The following FBXL17 variants were observed in gnomAD, a reference collection of about 807,000 sequenced individuals.
The protein encoded by FBXL17 is F-box/LRR-repeat protein 17.
A neutral mutation model predicts 66.2 loss-of-function variants in FBXL17; 22 were observed. That is an observed-to-expected ratio of 0.33 (90% CI 0.24 to 0.47). FBXL17 has a LOEUF of 0.47. FBXL17 is among the 20% of genes least tolerant of loss of function. The pLI, the probability that FBXL17 is intolerant of heterozygous loss-of-function variation, is 1.00. For missense variants in FBXL17, 878 were observed against 948.2 expected, an observed-to-expected ratio of 0.93 and a Z score of 0.97; for synonymous variants, 474 against 400.5, an observed-to-expected ratio of 1.18 and a Z score of -2.19.
chr5:108,095,508 G>C (rs1324568145), intron 6 of FBXL17, among the ~76,000 whole-genome samples: 1 of 152,020 alleles, frequency 6.6e-6, no homozygotes, highest in Admixed American at 6.6e-5. Context: ...ATACTGTATA[G>C]GGTAGATCAG....
At chr5:108,218,162 C>T (rs529123184) in intron 5 of FBXL17, among the ~76,000 whole-genome samples, 20 of 151,722 alleles carry the variant, frequency 1.3e-4, no homozygotes, top group African/African-American at 4.6e-4. Context: ...CCTGCTACCA[C>T]GCCCATCTAA....
chr5:107,972,313 T>TA lies in FBXL17; in HGVS notation c.1822+48611dup, dbSNP rs571839736. On this transcript the variant is annotated intron_variant, in intron 7 of 8. Transcript: ENST00000542267. ...TATAAATGGTGTAAATGTATCTTTATAGGTAGATAAGAAAGGAAGATGACT... is the reference window on the plus strand; with the variant it reads ...TATAAATGGTGTAAATGTATCTTTATAAGGTAGATAAGAAAGGAAGATGACT... Among the ~76,000 whole-genome samples the TA allele has an allele frequency of 2.1e-3, 316 of 152,342 alleles. 1 individual carries two copies. Among genetic ancestry groups the TA allele is most frequent in the Non-Finnish European group, 3.8e-3 (259 of 68,032 alleles).
chr5:108,040,462 A>C (rs1477999112), intron 6 of FBXL17, among the ~76,000 whole-genome samples: 1 of 152,194 alleles, frequency 6.6e-6, no homozygotes, highest in Non-Finnish European at 1.5e-5. Context: ...AATGTTTTTA[A>C]TAACTATGTT....
At chr5:108,169,714 G>A (rs982099409) in intron 6 of FBXL17, among the ~76,000 whole-genome samples, 3 of 152,078 alleles carry the variant, frequency 2.0e-5, no homozygotes, top group Non-Finnish European at 4.4e-5. Context: ...TTTAAGGGCC[G>A]TGTCTACCCC....
intron 3 of FBXL17, among the ~76,000 whole-genome samples, chr5:108,362,201 G>C (rs1748385684): frequency 6.6e-6 from 1 of 152,078 alleles, no homozygotes; most frequent in South Asian, 2.1e-4. Context: ...AGCATAGCCA[G>C]ATCAAAATTT....
At position 107,914,578 on chromosome 5, in the gene FBXL17, C is replaced by T. The variant is rs527795798; in HGVS notation, c.1823-33399G>A. On this transcript the variant is annotated intron_variant, in intron 7 of 8. Transcript: ENST00000542267. Reference sequence around the variant, plus strand: ...GGTTAGGCCTTGATTGGCTAAAGCACACTTGTGTATTCCATCCACTTGGCC... The same window carrying T: ...GGTTAGGCCTTGATTGGCTAAAGCATACTTGTGTATTCCATCCACTTGGCC... Among the ~76,000 whole-genome samples the T allele has an allele frequency of 1.4e-4, 22 of 152,344 alleles. No individual in the cohort carries two copies. The South Asian group carries it at 4.6e-3, about 32-fold the overall frequency.
chr5:107,965,009 A>G (rs1012049274), intron 7 of FBXL17, among the ~76,000 whole-genome samples: 19 of 152,042 alleles, frequency 1.2e-4, no homozygotes, highest in Non-Finnish European at 1.9e-4. Flanking sequence ...CTATAAACAG[A>G]GTGTTTTACC....
intron 8 of FBXL17, among the ~76,000 whole-genome samples, chr5:107,862,629 C>CACA (rs1748158071): frequency 3.3e-5 from 5 of 152,136 alleles, no homozygotes; most frequent in Admixed American, 3.3e-4. Flanking sequence ...ACCTAAGAAC[C>CACA]ACAACTTTTA....
At chr5:108,132,403 TA>T (rs997371927) in intron 6 of FBXL17, among the ~76,000 whole-genome samples, 3 of 152,164 alleles carry the variant, frequency 2.0e-5, no homozygotes, top group African/African-American at 7.2e-5. Flanking sequence ...GTGTTATATA[TA>T]AAAGAACAGA....
intron 5 of FBXL17, among the ~76,000 whole-genome samples, chr5:108,221,918 C>A (rs927878770): frequency 1.3e-5 from 2 of 152,086 alleles, no homozygotes; most frequent in Non-Finnish European, 2.9e-5. Context: ...GAAAACTAAG[C>A]AACATTCATT....
chr5:107,919,163 T>G (rs963655687), intron 7 of FBXL17, among the ~76,000 whole-genome samples: 2 of 152,200 alleles, frequency 1.3e-5, no homozygotes, highest in Admixed American at 6.5e-5. Flanking sequence ...CCTGACTAAC[T>G]AAAGATTGGA....
intron 5 of FBXL17, among the ~76,000 whole-genome samples, chr5:108,190,419 G>A (rs1753425207): frequency 1.3e-5 from 2 of 152,188 alleles, no homozygotes; most frequent in South Asian, 4.1e-4. Context: ...GAGATATCTA[G>A]AAAGTGGGGA....
At position 108,382,012 on chromosome 5, in the gene FBXL17, A is replaced by G; in HGVS notation, c.-321T>C. On this transcript the variant is annotated 5_prime_UTR_variant, in exon 1 of 9. Coordinates refer to ENST00000542267, the MANE Select transcript of FBXL17 (RefSeq NM_001163315.3). ...CCGGGCCCGGCCAGCCGGCTCAGTC[A>G]GTCAGCGGAGCGGCCGGGGAAAGGC... is the stretch of plus-strand genomic sequence containing the variant. The G allele has an allele frequency of 8.9e-7, 1 of 1,122,354 alleles. No individual in the cohort carries two copies. Among genetic ancestry groups the G allele is most frequent in the Non-Finnish European group, 1.1e-6 (1 of 912,694 alleles). The allele number at this position is 1,122,354 out of a possible 1,614,324, so 69.5% of individuals were successfully genotyped here. A position where few individuals can be genotyped will look rare whatever the true frequency, so the allele number is the denominator to read the frequency against.
intron 5 of FBXL17, among the ~76,000 whole-genome samples, chr5:108,201,306 T>G (rs1489055099): frequency 2.0e-5 from 3 of 152,124 alleles, no homozygotes; most frequent in African/African-American, 7.2e-5. Flanking sequence ...ACTGGCGCAG[T>G]GTGAATGTAT....
At chr5:108,116,236 A>T (rs1467133249) in intron 6 of FBXL17, among the ~76,000 whole-genome samples, 1 of 152,170 alleles carries the variant, frequency 6.6e-6, no homozygotes, top group Admixed American at 6.5e-5. Flanking sequence ...TCTAGGAGAA[A>T]GAACAACAAA....
Position 108,122,265 on chromosome 5 carries a change from G to A in FBXL17, c.1745+63852C>T, listed in dbSNP as rs144579853. Among the ~76,000 whole-genome samples the A allele has an allele frequency of 3.0e-3, 463 of 152,072 alleles. 4 individuals are homozygous for A. Among genetic ancestry groups the A allele is most frequent in the African/African-American group, 0.011 (439 of 41,504 alleles). ...TAGTCTCCATTTTAAACATGAAAAC[G>A]CTCAGGCATACAGATATTAAATAAC... is the stretch of plus-strand genomic sequence containing the variant. On this transcript the variant is annotated intron_variant, in intron 6 of 8. Coordinates refer to ENST00000542267, the MANE Select transcript of FBXL17 (RefSeq NM_001163315.3).
intron 4 of FBXL17, among the ~76,000 whole-genome samples, chr5:108,264,756 A>G (rs1033513158): frequency 1.3e-5 from 2 of 152,108 alleles, no homozygotes; most frequent in African/African-American, 2.4e-5. Context: ...GCCCATGACA[A>G]TAACTTCAGT....
chr5:108,288,546 C>A (rs1757990772), intron 4 of FBXL17, among the ~76,000 whole-genome samples: 1 of 151,446 alleles, frequency 6.6e-6, no homozygotes, highest in Non-Finnish European at 1.5e-5. Context: ...TTATGTAGCT[C>A]TATTGCAAAT....
chr5:108,296,058 C>T (rs1415838447), intron 4 of FBXL17, among the ~76,000 whole-genome samples: 1 of 149,910 alleles, frequency 6.7e-6, no homozygotes, highest in Non-Finnish European at 1.5e-5. Context: ...AATTAGTCAA[C>T]ATTACACAAT....
Sources: allele counts gnomAD v4.1 joint callset (sites outside exome capture counted in the v4.1 genomes callset), GRCh38; gene constraint gnomAD v4.1.1; transcripts MANE v1.5; gene names NCBI Gene and HGNC (gene_info 2026-07-23, HGNC 2026-07-21).